ECE2: variants seen among roughly 807,000 people sequenced by gnomAD.
ECE2 encodes the protein endothelin converting enzyme 2.
A neutral mutation model predicts 100.6 loss-of-function variants in ECE2; 81 were observed. The ratio of observed to expected loss-of-function variants is 0.81; its 90% CI spans 0.67 to 0.97. The LOEUF (loss-of-function observed/expected upper bound fraction) is 0.97, where lower values mean the gene tolerates loss of function less well. Among genes scored for constraint, ECE2 ranks in the 50% least tolerant of loss-of-function variants. The pLI, the probability that ECE2 is intolerant of heterozygous loss-of-function variation, is 0.00. For synonymous variants in ECE2, 391 were observed against 391.5 expected, an observed-to-expected ratio of 1.00 and a Z score of 0.02; for missense variants, 911 against 988.1, an observed-to-expected ratio of 0.92 and a Z score of 1.05.
Position 184,276,493 on chromosome 3 carries a change from A to G in ECE2, c.52A>G (p.Lys18Glu). 7 of 1,609,976 alleles carry G rather than the reference A, an allele frequency of 4.3e-6. No homozygotes were observed. Among genetic ancestry groups the G allele is most frequent in the Non-Finnish European group, 5.9e-6 (7 of 1,179,416 alleles). ...GACTGTCTGGCAGATGGTGGAGTAC[A>G]AACGGGCCACGCTTCGGGATGAAGA... ...LGAGSNMVEY[K>E]RATLRDEDAP... Residue 18 changes from lysine (K) to glutamate (E), a missense_variant, in exon 2 of 19, where the codon AAA becomes GAA. Coordinates refer to ENST00000404464, the MANE Select transcript of ECE2 (RefSeq NM_001100121.2).
At chr3:184,290,489 A>G in intron 14 of ECE2, 68 bp from the exon 15 acceptor site, 2 of 1,570,530 alleles carry the variant, frequency 1.3e-6, no homozygotes, top group Non-Finnish European at 8.7e-7. Flanking sequence ...GAGGTAGGGC[A>G]GGGCTGTTGG....
Position 184,292,400 on chromosome 3 carries a change from A to C in ECE2, c.*162A>C. The C allele has an allele frequency of 1.3e-6, 1 of 763,782 alleles. No individual in the cohort carries two copies. Among genetic ancestry groups the C allele is most frequent in the Non-Finnish European group, 2.1e-6 (1 of 477,970 alleles). The allele number at this position is 763,782 out of a possible 1,614,324, so 47.3% of individuals were successfully genotyped here. Reference sequence around the variant, plus strand: ...AGTACAGACCCTCCTCAATCACCACATTGTGCCTCTGCTTTGGGGGTGCCC... The same window carrying C: ...AGTACAGACCCTCCTCAATCACCACCTTGTGCCTCTGCTTTGGGGGTGCCC... On this transcript the variant is annotated 3_prime_UTR_variant, in exon 19 of 19. Coordinates refer to ENST00000404464, the MANE Select transcript of ECE2 (RefSeq NM_001100121.2).
intron 14 of ECE2, 88 bp from the exon 15 acceptor site, chr3:184,290,468 TA>T (rs1388265650): frequency 1.1e-5 from 17 of 1,558,972 alleles, no homozygotes; most frequent in Non-Finnish European, 1.5e-5. Context: ...GGCGGCCCCA[TA>T]CCCTTGCAGG....
rs570076630 is a variant in ECE2 at position 184,276,119 on chromosome 3, G to C, written c.-35G>C. ...GCGGCCCGGGAGCGGGCCAGCTGCCGGGAGCCCTGAATCACCGCCTGGCCC... is the reference window on the plus strand; with the variant it reads ...GCGGCCCGGGAGCGGGCCAGCTGCCCGGAGCCCTGAATCACCGCCTGGCCC... On this transcript the variant is annotated 5_prime_UTR_variant, in exon 1 of 19. Transcript: ENST00000404464. 162 of 1,307,216 alleles carry C rather than the reference G, an allele frequency of 1.2e-4. No individual in the cohort carries two copies. The East Asian group carries it at 2.8e-3, about 23-fold the overall frequency. 81.0% of individuals were successfully genotyped at this position (1,307,216 alleles called of 1,614,324 possible).
At chr3:184,287,168 C>T (rs1025257199) in intron 10 of ECE2, among the ~76,000 whole-genome samples, 1 of 150,724 alleles carries the variant, frequency 6.6e-6, no homozygotes, top group Non-Finnish European at 1.5e-5. Context: ...CTCAGCTACT[C>T]GGGAGGCTGA....
chr3:184,291,999 C>T lies in ECE2; in HGVS notation c.2122-63C>T. On this transcript the variant is annotated intron_variant, in intron 18 of 18. Transcript: ENST00000404464. This position sits in a 1 kb window ranked among gnomAD's most constrained non-coding sequence, Gnocchi z 4.1. ...GTTTGTGCCCCTGGGATGGCTGTAG[C>T]TGACTCTAAGGCCCGGCTCCACACT... 1 of 1,540,172 alleles carries T rather than the reference C, an allele frequency of 6.5e-7. No individual in the cohort carries two copies.
chr3:184,286,639 C>T (rs1721045157), intron 10 of ECE2, among the ~76,000 whole-genome samples: 1 of 151,696 alleles, frequency 6.6e-6, no homozygotes, highest in Admixed American at 6.6e-5. Context: ...CCCATCTCTA[C>T]TAAAAATACA....
Position 184,283,844 on chromosome 3 carries a change from C to A in ECE2, c.876C>A (p.Pro292=). 1 of 1,613,838 alleles carries A rather than the reference C, an allele frequency of 6.2e-7. No homozygotes were observed. Among genetic ancestry groups the A allele is most frequent in the Non-Finnish European group, 8.5e-7 (1 of 1,179,970 alleles). ...EELGMLLGGR[P]TSTREQMQQV... ...TGGGGATGCTGCTGGGTGGGCGGCCCACCTCCACGAGGGAGCAGATGCAGC... is the reference window on the plus strand; with the variant it reads ...TGGGGATGCTGCTGGGTGGGCGGCCAACCTCCACGAGGGAGCAGATGCAGC... Residue 292 remains proline, a synonymous_variant, in exon 8 of 19, where the codon CCC becomes CCA. Coordinates refer to ENST00000404464, the MANE Select transcript of ECE2 (RefSeq NM_001100121.2).
rs80046793 is a variant in ECE2 at position 184,292,154 on chromosome 3, C to T, written c.2214C>T (p.Leu738=). 3.3e-5 allele frequency: 54 copies of T among 1,614,040 alleles called. No individual in the cohort carries two copies. The highest frequency in any genetic ancestry group is 5.9e-6 in the Non-Finnish European group (7 of 1,180,046). Residue 738 remains leucine (L), a synonymous_variant, in exon 19 of 19, where the codon CTC becomes CTT. Coordinates refer to ENST00000404464, the MANE Select transcript of ECE2 (RefSeq NM_001100121.2). ...SPARFRVLGT[L]SNSRDFLRHF... ...CCCGCTTCCGCGTGCTGGGCACTCT[C>T]TCCAACTCCCGTGACTTCCTGCGGC...
At chr3:184,285,750 C>G (rs1260012085) in intron 10 of ECE2, among the ~76,000 whole-genome samples, 158 bp downstream of exon 10, 1 of 152,214 alleles carries the variant, frequency 6.6e-6, no homozygotes, top group African/African-American at 2.4e-5. Context: ...CCAACTCATT[C>G]ATTTTCTAGC....
chr3:184,282,692 C>G (rs1720860179), intron 7 of ECE2, among the ~76,000 whole-genome samples: 1 of 152,160 alleles, frequency 6.6e-6, no homozygotes, highest in Non-Finnish European at 1.5e-5. Flanking sequence ...CTGGGGTCAT[C>G]AGGCCTGGGC....
intron 10 of ECE2, among the ~76,000 whole-genome samples, chr3:184,286,113 A>T (rs903909909): frequency 6.6e-6 from 1 of 152,142 alleles, no homozygotes. Flanking sequence ...GGGGAAGGGC[A>T]TCAGAGAAGC....
In ECE2 at chr3:184,291,885, C is replaced by T. The variant is rs574410478; in HGVS notation, c.2122-177C>T. The T allele has an allele frequency of 8.9e-6, 6 of 675,618 alleles. No homozygotes were observed. The South Asian group carries it at 1.1e-4, about 12-fold the overall frequency. 41.9% of individuals were successfully genotyped at this position (675,618 alleles called of 1,614,324 possible). On this transcript the variant is annotated intron_variant, in intron 18 of 18. Coordinates refer to ENST00000404464, the MANE Select transcript of ECE2 (RefSeq NM_001100121.2). This position sits in a 1 kb window ranked among gnomAD's most constrained non-coding sequence, Gnocchi z 4.1. ...GCCACAGCAGGCAGCTTCTGGGGCT[C>T]CGCTTTTTCCCCTCGTCATGTCCAT...
At chr3:184,286,249 C>A (rs868868245) in intron 10 of ECE2, among the ~76,000 whole-genome samples, 1 of 151,994 alleles carries the variant, frequency 6.6e-6, no homozygotes, top group Non-Finnish European at 1.5e-5. Context: ...GCTTTACACA[C>A]GTTCTGGCAT....
chr3:184,290,414 G>T, intron 14 of ECE2, 56 bp downstream of exon 14: 1 of 1,588,216 alleles, frequency 6.3e-7, no homozygotes, highest in Non-Finnish European at 8.6e-7. Flanking sequence ...GTGGGGGAAG[G>T]TTCCTGGGAT....
chr3:184,278,497 C>A lies in ECE2; in HGVS notation c.756C>A (p.Asp252Glu). 1.9e-6 allele frequency: 3 copies of A among 1,613,760 alleles called. No homozygotes were observed. The highest frequency in any genetic ancestry group is 2.5e-6 in the Non-Finnish European group (3 of 1,179,896). The stretch of plus-strand genomic sequence containing the variant: ...TCCTTTCCTTGACATTGCAGGTGGA[C>A]CAGTCTGGGCTCTTTCTGCCCTCTC... Reference protein sequence around the residue: ...KSSNSNVIQVDQSGLFLPSRD... With the variant: ...KSSNSNVIQVEQSGLFLPSRD... Residue 252 changes from aspartate (D) to glutamate (E), a missense_variant, in exon 7 of 19, where the codon GAC becomes GAA. Coordinates refer to ENST00000404464, the MANE Select transcript of ECE2 (RefSeq NM_001100121.2).
chr3:184,292,303 T>A lies in ECE2; in HGVS notation c.*65T>A, dbSNP rs1246645438. On this transcript the variant is annotated 3_prime_UTR_variant, in exon 19 of 19. Coordinates refer to ENST00000404464, the MANE Select transcript of ECE2 (RefSeq NM_001100121.2). ...TGGGGCAGCTCTCCTGACAAAGCTG[T>A]TTGCTCTTGGGTTGGGAGGAAGCAA... is the stretch of plus-strand genomic sequence containing the variant. The A allele has an allele frequency of 6.3e-7, 1 of 1,592,852 alleles. No individual in the cohort carries two copies. The highest frequency in any genetic ancestry group is 8.6e-7 in the Non-Finnish European group (1 of 1,166,296).
At chr3:184,290,892 T>C in intron 16 of ECE2, 32 bp downstream of exon 16, 1 of 1,613,860 alleles carries the variant, frequency 6.2e-7, no homozygotes, top group Non-Finnish European at 8.5e-7. Context: ...CCCTCTAGCC[T>C]AGAATTCCCA....
At position 184,292,038 on chromosome 3, in the gene ECE2, C is replaced by T. The variant is rs758900982; in HGVS notation, c.2122-24C>T. The T allele has an allele frequency of 6.9e-6, 11 of 1,599,848 alleles. No individual in the cohort carries two copies. The East Asian group carries it at 2.0e-4, about 29-fold the overall frequency. On this transcript the variant is annotated intron_variant, in intron 18 of 18. Transcript: ENST00000404464. ...CGGCTCCACACTAGACACCATATGC[C>T]CCCATGTCTGTCCTGGCCCGCAGGT...
Sources: gnomAD v4.1 joint callset for allele counts (sites outside exome capture counted in the v4.1 genomes callset) on GRCh38, gnomAD v4.1.1 for gene constraint, Gnocchi (gnomAD v3.1) non-coding constraint, MANE v1.5 for transcripts, NCBI Gene and HGNC (gene_info 2026-07-23, HGNC 2026-07-21) for gene names.